Variants in E2F3 observed in about 807,000 individuals in gnomAD.
E2F3 encodes E2F transcription factor 3, also known as transcription factor E2F3.
Under a neutral mutation model 44.4 loss-of-function variants are expected in E2F3, and 11 were observed. The ratio of observed to expected loss-of-function variants is 0.25; its 90% CI spans 0.16 to 0.41. The LOEUF is 0.41. Among genes scored for constraint, E2F3 ranks in the 10% least tolerant of loss-of-function variants. E2F3 has a pLI of 1.00. For synonymous variants in E2F3, 249 were observed against 253.0 expected (o/e 0.98, Z 0.15); for missense variants, 487 against 583.6 (o/e 0.83, Z 1.70).
At chr6:20,445,007 T>C in intron 1 of E2F3, 1 of 911,062 alleles carries the variant, frequency 1.1e-6, no homozygotes, top group Non-Finnish European at 1.3e-6. Context: ...TACATGTCTT[T>C]TGAACTGAAC....
chr6:20,418,107 G>A (rs1464322214), intron 1 of E2F3, among the ~76,000 whole-genome samples: 1 of 152,160 alleles, frequency 6.6e-6, no homozygotes, highest in East Asian at 1.9e-4. Context: ...ACAAGGGGTG[G>A]CCCTCAAACA....
intron 1 of E2F3, among the ~76,000 whole-genome samples, chr6:20,459,559 TAAC>T (rs2127605893): frequency 6.6e-6 from 1 of 152,336 alleles, no homozygotes; most frequent in African/African-American, 2.4e-5. Context: ...TTTTTTATCT[TAAC>T]AAATTAAAGG....
chr6:20,481,259 A>G lies in E2F3; in HGVS notation c.559A>G (p.Thr187Ala). 6.2e-7 allele frequency: 1 copy of G among 1,614,120 alleles called. No homozygotes were observed. The highest frequency in any genetic ancestry group is 8.5e-7 in the Non-Finnish European group (1 of 1,180,018). ...GTATGATACGTCTCTTGGTCTGCTC[A>G]CCAAGAAGTTCATTCAGCTCCTGAG... ...TRYDTSLGLL[T>A]KKFIQLLSQS... Residue 187 changes from threonine to alanine, a missense_variant, in exon 3 of 7, where the codon ACC becomes GCC. Coordinates refer to ENST00000346618, the MANE Select transcript of E2F3 (RefSeq NM_001949.5).
chr6:20,457,444 C>G (rs2127604519), intron 1 of E2F3, among the ~76,000 whole-genome samples: 1 of 150,766 alleles, frequency 6.6e-6, no homozygotes, highest in Non-Finnish European at 1.5e-5. Context: ...ACCTCGGCCT[C>G]CCAAAGTGGT....
At position 20,490,038 on chromosome 6, in the gene E2F3, A is replaced by G. The variant is rs904171578; in HGVS notation, c.1136-130A>G. On this transcript the variant is annotated intron_variant, in intron 6 of 6. Coordinates refer to ENST00000346618, the MANE Select transcript of E2F3 (RefSeq NM_001949.5). This position sits in a 1 kb window ranked among gnomAD's most constrained non-coding sequence, Gnocchi z 4.3. ...TAGCATAAAAGGTGATCTGCATCATAAAGTCGTCTCATTGTCATTATTTGC... is the reference window on the plus strand; with the variant it reads ...TAGCATAAAAGGTGATCTGCATCATGAAGTCGTCTCATTGTCATTATTTGC... The G allele has an allele frequency of 2.3e-5, 23 of 1,017,866 alleles. No homozygotes were observed. In the African/African-American group the frequency reaches 3.3e-4, roughly 15 times the overall value. 63.1% of individuals were successfully genotyped at this position (1,017,866 alleles called of 1,614,324 possible). A position where few individuals can be genotyped will look rare whatever the true frequency, so the allele number is the denominator to read the frequency against.
chr6:20,441,718 G>C (rs866071212), intron 1 of E2F3, among the ~76,000 whole-genome samples: 92 of 140,262 alleles, frequency 6.6e-4, no homozygotes, highest in African/African-American at 2.1e-3. Flanking sequence ...GAGATCACGC[G>C]TGGGTAATTT....
At chr6:20,419,030 T>A (rs753544295) in intron 1 of E2F3, among the ~76,000 whole-genome samples, 36 of 152,298 alleles carry the variant, frequency 2.4e-4, no homozygotes, top group Non-Finnish European at 3.7e-4. Flanking sequence ...AAATCTATAT[T>A]TTATTTATAT....
At chr6:20,406,505 A>G (rs1759498061) in intron 1 of E2F3, among the ~76,000 whole-genome samples, 1 of 152,238 alleles carries the variant, frequency 6.6e-6, no homozygotes, top group South Asian at 2.1e-4. Context: ...GAGAACTGTT[A>G]AAAGTCTTTA....
At chr6:20,484,918 A>G (rs368928250) in intron 4 of E2F3, among the ~76,000 whole-genome samples, 24 of 148,392 alleles carry the variant, frequency 1.6e-4, no homozygotes, top group African/African-American at 6.0e-4. Flanking sequence ...GTGCCACTGC[A>G]CTCCAGCCTT....
intron 1 of E2F3, among the ~76,000 whole-genome samples, chr6:20,476,629 C>G (rs902200434): frequency 6.6e-6 from 1 of 152,178 alleles, no homozygotes; most frequent in Non-Finnish European, 1.5e-5. Context: ...CAGAAACATT[C>G]CTGGGGTTAG....
At chr6:20,468,060 C>T (rs1255267131) in intron 1 of E2F3, among the ~76,000 whole-genome samples, 1 of 152,224 alleles carries the variant, frequency 6.6e-6, no homozygotes, top group Non-Finnish European at 1.5e-5. Flanking sequence ...CGGTTTCTCC[C>T]ACTATTTTCG....
chr6:20,458,525 G>C (rs573680349), intron 1 of E2F3, among the ~76,000 whole-genome samples: 1 of 152,220 alleles, frequency 6.6e-6, no homozygotes, highest in South Asian at 2.1e-4. Flanking sequence ...GCTTGCCGGT[G>C]GACCTTGGAG....
intron 1 of E2F3, among the ~76,000 whole-genome samples, chr6:20,439,200 C>T (rs1760691167): frequency 6.6e-6 from 1 of 152,098 alleles, no homozygotes; most frequent in Non-Finnish European, 1.5e-5. Context: ...TGTTTGAAAA[C>T]ATTTTTTCTC....
At chr6:20,479,291 C>A (rs541258155) in intron 1 of E2F3, among the ~76,000 whole-genome samples, 1 of 152,292 alleles carries the variant, frequency 6.6e-6, no homozygotes, top group Non-Finnish European at 1.5e-5. Context: ...GAAACCCAGG[C>A]TCTGTGCCAA....
intron 2 of E2F3, 52 bp downstream of exon 2, chr6:20,480,009 G>C: frequency 6.5e-7 from 1 of 1,549,864 alleles, no homozygotes; most frequent in East Asian, 2.4e-5. Context: ...GCATTTCCAA[G>C]TTTCAAAGCT....
chr6:20,447,968 G>T (rs1294060112), intron 1 of E2F3, among the ~76,000 whole-genome samples: 1 of 152,198 alleles, frequency 6.6e-6, no homozygotes, highest in Non-Finnish European at 1.5e-5. Context: ...CCATATCAAG[G>T]ACTAGAACAT....
intron 1 of E2F3, among the ~76,000 whole-genome samples, chr6:20,404,385 C>T (rs889376316): frequency 2.0e-5 from 3 of 152,222 alleles, no homozygotes; most frequent in Non-Finnish European, 2.9e-5. Context: ...TCCTCCATGC[C>T]TCCGGGTCTT....
At chr6:20,463,608 C>T (rs983609980) in intron 1 of E2F3, among the ~76,000 whole-genome samples, 1 of 152,108 alleles carries the variant, frequency 6.6e-6, no homozygotes, top group Non-Finnish European at 1.5e-5. Context: ...AAAAGGTTTT[C>T]GCTGGGTATG....
chr6:20,485,779 T>C (rs1762371398), intron 4 of E2F3, among the ~76,000 whole-genome samples: 1 of 152,244 alleles, frequency 6.6e-6, no homozygotes, highest in Non-Finnish European at 1.5e-5. Context: ...CACTCTTTTC[T>C]GTAGGCAGTA....
Sources: allele counts gnomAD v4.1 joint callset (sites outside exome capture counted in the v4.1 genomes callset), GRCh38; gene constraint gnomAD v4.1.1; non-coding constraint Gnocchi (gnomAD v3.1); transcripts MANE v1.5; gene names NCBI Gene and HGNC (gene_info 2026-07-23, HGNC 2026-07-21).